RANBP17: variants seen among roughly 807,000 people sequenced by gnomAD.
The protein encoded by RANBP17 is RAN binding protein 17.
Under a neutral mutation model 141.2 loss-of-function variants are expected in RANBP17, and 158 were observed. The ratio of observed to expected loss-of-function variants is 1.12; its 90% CI spans 0.98 to 1.28. RANBP17 has a LOEUF of 1.28. Among genes scored for constraint, RANBP17 ranks in the 50% most tolerant of loss-of-function variants. The pLI, the probability that RANBP17 is intolerant of heterozygous loss-of-function variation, is 0.00. For synonymous variants in RANBP17, 430 were observed against 450.0 expected, an observed-to-expected ratio of 0.96 and a Z score of 0.56; for missense variants, 1,438 against 1,290.7, an observed-to-expected ratio of 1.11 and a Z score of -1.75.
intron 14 of RANBP17, among the ~76,000 whole-genome samples, chr5:171,058,468 A>G (rs1343252170): frequency 1.3e-5 from 2 of 151,740 alleles, no homozygotes; most frequent in Non-Finnish European, 2.9e-5. Context: ...AATTTCATCC[A>G]TGTCCCTACA....
At chr5:170,866,471 C>T (rs1254147741) in intron 1 of RANBP17, among the ~76,000 whole-genome samples, 3 of 151,932 alleles carry the variant, frequency 2.0e-5, no homozygotes, top group Admixed American at 1.3e-4. Context: ...GTCACGAAAT[C>T]GAGACCATCC....
At chr5:170,987,264 T>C (rs537350207) in intron 14 of RANBP17, among the ~76,000 whole-genome samples, 1 of 151,774 alleles carries the variant, frequency 6.6e-6, no homozygotes, top group Non-Finnish European at 1.5e-5. Flanking sequence ...TTAGTGACTT[T>C]AGGGATTTTT....
At chr5:170,937,390 T>C (rs996641525) in intron 12 of RANBP17, among the ~76,000 whole-genome samples, 1 of 152,208 alleles carries the variant, frequency 6.6e-6, no homozygotes, top group African/African-American at 2.4e-5. Context: ...TTTGGACTTC[T>C]CACATTGGGC....
intron 25 of RANBP17, among the ~76,000 whole-genome samples, chr5:171,277,342 A>G (rs575588869): frequency 2.0e-4 from 31 of 151,966 alleles, no homozygotes; most frequent in African/African-American, 7.5e-4. Context: ...CTGTATGACT[A>G]CCACAAAAAG....
At chr5:170,940,274 G>A (rs1477940869) in intron 12 of RANBP17, among the ~76,000 whole-genome samples, 5 of 152,090 alleles carry the variant, frequency 3.3e-5, no homozygotes, top group African/African-American at 1.2e-4. Context: ...AAGAGAAAAA[G>A]CATTATTAAA....
At chr5:170,979,369 AATTTCAC>A (rs755534082) in intron 14 of RANBP17, among the ~76,000 whole-genome samples, 10 of 152,248 alleles carry the variant, frequency 6.6e-5, no homozygotes, top group Non-Finnish European at 1.3e-4. Flanking sequence ...AGCAAATTAA[AATTTCAC>A]ATTTACCCTC....
chr5:171,297,525 T>A (rs1561838148), intron 27 of RANBP17, among the ~76,000 whole-genome samples: 1 of 152,222 alleles, frequency 6.6e-6, no homozygotes, highest in East Asian at 1.9e-4. Flanking sequence ...TGGTAATACA[T>A]GACCAAGTCA....
At chr5:170,928,359 A>G (rs1301858687) in intron 12 of RANBP17, among the ~76,000 whole-genome samples, 1 of 152,040 alleles carries the variant, frequency 6.6e-6, no homozygotes, top group African/African-American at 2.4e-5. Flanking sequence ...TTGATGGTCT[A>G]CTTTTTCACT....
intron 14 of RANBP17, among the ~76,000 whole-genome samples, chr5:171,160,405 A>C (rs1415337904): frequency 6.6e-6 from 1 of 152,166 alleles, no homozygotes; most frequent in Non-Finnish European, 1.5e-5. Context: ...ATTCCAATAA[A>C]AATAATAGGT....
intron 19 of RANBP17, among the ~76,000 whole-genome samples, chr5:171,204,978 C>T (rs1007303706): frequency 6.6e-6 from 1 of 152,188 alleles, no homozygotes; most frequent in African/African-American, 2.4e-5. Flanking sequence ...CTTTTCCTTA[C>T]ATCTTCCTCA....
chr5:171,214,092 T>C (rs915561969), intron 21 of RANBP17, among the ~76,000 whole-genome samples: 1 of 152,230 alleles, frequency 6.6e-6, no homozygotes, highest in African/African-American at 2.4e-5. Context: ...GAAAGAAGTT[T>C]AGAGGTCTCT....
intron 5 of RANBP17, chr5:170,897,096 T>C (rs550395695): frequency 2.4e-6 from 2 of 826,534 alleles, no homozygotes; most frequent in Admixed American, 1.8e-5. Context: ...TTGATTGACA[T>C]GGTAGAAGGG....
At position 170,884,823 on chromosome 5, in the gene RANBP17, AT is replaced by A. The variant is rs928841445; in HGVS notation, c.256+2938del. On this transcript the variant is annotated intron_variant, in intron 3 of 27. Coordinates refer to ENST00000523189, the MANE Select transcript of RANBP17 (RefSeq NM_022897.5). ...ATTTCTGCCAGATTGTCCAATGTTA[AT>A]TTTTTTTTTTCTGGCACTGCTGTTT... 4.9e-4 allele frequency among the ~76,000 whole-genome samples: 73 copies of A among 148,538 alleles called. 1 individual carries two copies. The highest frequency in any genetic ancestry group is 8.9e-4 in the African/African-American group (36 of 40,662).
At chr5:170,953,479 A>G in intron 12 of RANBP17, 118 bp from the exon 13 acceptor site, 1 of 648,898 alleles carries the variant, frequency 1.5e-6, no homozygotes, top group South Asian at 2.0e-5. Context: ...CTGAGTTCAC[A>G]ATAATTTATC....
At chr5:171,130,325 T>A (rs367895483) in intron 14 of RANBP17, among the ~76,000 whole-genome samples, 13 of 152,214 alleles carry the variant, frequency 8.5e-5, no homozygotes, top group African/African-American at 3.1e-4. Context: ...GAAAATGTCA[T>A]TCATCATTTT....
intron 1 of RANBP17, among the ~76,000 whole-genome samples, chr5:170,864,818 T>C (rs1279514627): frequency 1.1e-4 from 16 of 152,224 alleles, no homozygotes; most frequent in Admixed American, 1.0e-3. Context: ...CTATTATTTT[T>C]AAATGCAATT....
At position 171,182,285 on chromosome 5, in the gene RANBP17, G is replaced by A. The variant is rs1260059245; in HGVS notation, c.1866-882G>A. On this transcript the variant is annotated intron_variant, in intron 16 of 27. Transcript: ENST00000523189. ...AAAACACATGACTATGGTAGAGTAA[G>A]AGAAGAGGGTATTTGCATACTGACT... Among the ~76,000 whole-genome samples the A allele has an allele frequency of 1.3e-4, 20 of 152,254 alleles. 1 individual carries two copies. The highest frequency in any genetic ancestry group is 1.3e-3 in the Admixed American group (20 of 15,288).
chr5:170,974,129 T>C (rs2127539072), intron 14 of RANBP17, among the ~76,000 whole-genome samples: 1 of 152,326 alleles, frequency 6.6e-6, no homozygotes, highest in African/African-American at 2.4e-5. Flanking sequence ...CTCCAAAGTC[T>C]GAAGCCTAGA....
chr5:170,987,081 A>C (rs1030994508), intron 14 of RANBP17, among the ~76,000 whole-genome samples: 1 of 151,888 alleles, frequency 6.6e-6, no homozygotes, highest in African/African-American at 2.4e-5. Context: ...TGTTTCATAC[A>C]TAGAATTTTC....
Sources: gnomAD v4.1 joint callset for allele counts (sites outside exome capture counted in the v4.1 genomes callset) on GRCh38, gnomAD v4.1.1 for gene constraint, MANE v1.5 for transcripts, NCBI Gene and HGNC (gene_info 2026-07-23, HGNC 2026-07-21) for gene names.